The following SLC24A2 variants were observed in gnomAD, a reference collection of about 807,000 sequenced individuals.
The protein encoded by SLC24A2 is sodium/potassium/calcium exchanger 2.
In SLC24A2, 36 loss-of-function variants were observed where a neutral mutation model predicts 62.0. The observed-to-expected ratio is 0.58, with a 90% confidence interval of 0.44 to 0.77. SLC24A2 has a LOEUF of 0.77. Ranked by LOEUF, SLC24A2 falls within the 30% of genes least tolerant of loss-of-function variation. The pLI is 0.00. For synonymous variants in SLC24A2, 358 were observed against 294.0 expected, an observed-to-expected ratio of 1.22 and a Z score of -2.23; for missense variants, 846 against 817.9, an observed-to-expected ratio of 1.03 and a Z score of -0.42.
At chr9:19,972,876 A>T in the SLC24A2 span, among the ~76,000 whole-genome samples, 1 of 152,290 alleles carries the variant, frequency 6.6e-6, no homozygotes, top group Non-Finnish European at 1.5e-5. Flanking sequence ...CTCAAACTCA[A>T]GTCTTAATCT....
At chr9:20,111,860 C>A in the SLC24A2 span, among the ~76,000 whole-genome samples, 205 of 152,156 alleles carry the variant, frequency 1.3e-3, 1 homozygote, top group Non-Finnish European at 2.6e-3. Context: ...TAAAAAAAAT[C>A]TAAAATGAAA....
At chr9:19,798,483 G>A in the SLC24A2 span, among the ~76,000 whole-genome samples, 1 of 152,030 alleles carries the variant, frequency 6.6e-6, no homozygotes, top group Non-Finnish European at 1.5e-5. Flanking sequence ...TTGGTTAGCT[G>A]GATTTAATTA....
At chr9:19,557,689 T>G (rs1299503209) in intron 7 of SLC24A2, among the ~76,000 whole-genome samples, 3 of 152,144 alleles carry the variant, frequency 2.0e-5, no homozygotes, top group Non-Finnish European at 4.4e-5. Flanking sequence ...AGTATGTTAT[T>G]CATCCATCGT....
chr9:19,719,411 A>T (rs1173934341), intron 2 of SLC24A2, among the ~76,000 whole-genome samples: 1 of 152,130 alleles, frequency 6.6e-6, no homozygotes, highest in African/African-American at 2.4e-5. Flanking sequence ...GTTTTGCTTT[A>T]TCTGAGTTCT....
the SLC24A2 span, among the ~76,000 whole-genome samples, chr9:20,011,105 A>G: frequency 6.6e-6 from 1 of 152,164 alleles, no homozygotes; most frequent in African/African-American, 2.4e-5. Flanking sequence ...CATGATTTAT[A>G]ATCCTTTGGG....
chr9:20,236,540 G>C, the SLC24A2 span, among the ~76,000 whole-genome samples: 3 of 152,274 alleles, frequency 2.0e-5, no homozygotes, highest in Admixed American at 2.0e-4. Context: ...TCGAAGGGAT[G>C]TCTATTTATC....
rs866156881 is a variant in SLC24A2, at chr9:19,599,475, T to C, written c.1079-2196A>G. 3.6e-4 allele frequency among the ~76,000 whole-genome samples: 55 copies of C among 152,320 alleles called. No homozygotes were observed. The highest frequency in any genetic ancestry group is 1.3e-3 in the African/African-American group (53 of 41,578). ...GGAAGCAGTGGAAGGGAATGGTATC[T>C]GCCCAAACAAAGAGAACCATGTTTA... On this transcript the variant is annotated intron_variant, in intron 4 of 10. Coordinates refer to ENST00000341998, the MANE Select transcript of SLC24A2 (RefSeq NM_020344.4). The surrounding 1 kb of genome is among the most constrained non-coding windows in gnomAD (Gnocchi z 4.5).
chr9:20,010,567 T>G, the SLC24A2 span, among the ~76,000 whole-genome samples: 2 of 152,018 alleles, frequency 1.3e-5, no homozygotes, highest in East Asian at 1.9e-4. Flanking sequence ...AAATAAATTA[T>G]AGAGATAAAT....
the SLC24A2 span, among the ~76,000 whole-genome samples, chr9:20,251,605 G>A: frequency 6.6e-6 from 1 of 152,088 alleles, no homozygotes; most frequent in African/African-American, 2.4e-5. Context: ...TAAGTATCAG[G>A]AATTACGTAA....
At chr9:20,208,393 T>C in the SLC24A2 span, among the ~76,000 whole-genome samples, 1 of 152,178 alleles carries the variant, frequency 6.6e-6, no homozygotes, top group Admixed American at 6.5e-5. Context: ...AGTGCTTCAT[T>C]TTCCTCTTCT....
the SLC24A2 span, among the ~76,000 whole-genome samples, chr9:20,271,445 CT>C: frequency 6.6e-5 from 10 of 151,726 alleles, no homozygotes; most frequent in African/African-American, 2.4e-4. Flanking sequence ...GCTGCTGCTG[CT>C]TTCTTTTATG....
At chr9:20,275,427 C>A in the SLC24A2 span, among the ~76,000 whole-genome samples, 1 of 152,208 alleles carries the variant, frequency 6.6e-6, no homozygotes, top group Non-Finnish European at 1.5e-5. Context: ...ACAGTGGCAT[C>A]TGCTCCTAAA....
At chr9:20,232,219 G>C in the SLC24A2 span, among the ~76,000 whole-genome samples, 1 of 152,162 alleles carries the variant, frequency 6.6e-6, no homozygotes, top group Non-Finnish European at 1.5e-5. Context: ...GTCTCTGCCA[G>C]GCTTTGGTAT....
In SLC24A2 at chr9:19,786,192, CAG is replaced by C; in HGVS notation, c.673_674del (p.Leu225ValfsTer3). ...NILFVIGMCA[L>X]FSREILNLTW... The stretch of plus-strand genomic sequence containing the variant: ...TCAGGTTTAAGATTTCTCTAGAAAA[CAG>C]AGCACACATGCCAATAACAAAGAGG... On this transcript the variant is annotated frameshift_variant, in exon 2 of 11. Coordinates refer to ENST00000341998, the MANE Select transcript of SLC24A2 (RefSeq NM_020344.4). LOFTEE classifies it high-confidence loss of function. The surrounding 1 kb of genome is among the most constrained non-coding windows in gnomAD (Gnocchi z 5.0). 6.2e-7 allele frequency: 1 copy of C among 1,614,108 alleles called. No individual in the cohort carries two copies. Among genetic ancestry groups the C allele is most frequent in the Non-Finnish European group, 8.5e-7 (1 of 1,180,032 alleles).
the SLC24A2 span, among the ~76,000 whole-genome samples, chr9:20,073,356 C>A: frequency 6.6e-6 from 1 of 152,148 alleles, no homozygotes; most frequent in East Asian, 1.9e-4. Context: ...CAGACCCACT[C>A]AGAATAATGT....
chr9:20,042,626 G>A, the SLC24A2 span, among the ~76,000 whole-genome samples: 1 of 152,176 alleles, frequency 6.6e-6, no homozygotes, highest in Non-Finnish European at 1.5e-5. Context: ...CTCCTTTTCA[G>A]TAGCAGAGAA....
chr9:20,154,694 G>C, the SLC24A2 span, among the ~76,000 whole-genome samples: 1 of 151,330 alleles, frequency 6.6e-6, no homozygotes, highest in Admixed American at 6.6e-5. Context: ...AATGTATTGG[G>C]CTCCATGTAA....
At chr9:19,748,838 G>A (rs1821906662) in intron 2 of SLC24A2, among the ~76,000 whole-genome samples, 1 of 151,966 alleles carries the variant, frequency 6.6e-6, no homozygotes, top group South Asian at 2.1e-4. Flanking sequence ...ACAGAGGAGG[G>A]TGATAAGCAA....
chr9:19,838,260 T>C, the SLC24A2 span, among the ~76,000 whole-genome samples: 16 of 152,124 alleles, frequency 1.1e-4, no homozygotes, highest in South Asian at 2.1e-4. Context: ...TCAGAAATAA[T>C]GCCACATATC....
Sources: gnomAD v4.1 joint callset for allele counts (sites outside exome capture counted in the v4.1 genomes callset) on GRCh38, gnomAD v4.1.1 for gene constraint, Gnocchi (gnomAD v3.1) non-coding constraint, MANE v1.5 for transcripts, NCBI Gene and HGNC (gene_info 2026-07-23, HGNC 2026-07-21) for gene names.